Variants in NTSR2 observed in about 807,000 individuals in gnomAD.
NTSR2 encodes neurotensin receptor 2.
In NTSR2, 22 loss-of-function variants were observed where a neutral mutation model predicts 24.1. The ratio of observed to expected loss-of-function variants is 0.91; its 90% CI spans 0.65 to 1.30. The LOEUF is 1.30. Among genes scored for constraint, NTSR2 ranks in the 50% most tolerant of loss-of-function variants. The pLI, the probability that NTSR2 is intolerant of heterozygous loss-of-function variation, is 0.00. For missense variants in NTSR2, 570 were observed against 570.4 expected (o/e 1.00, Z 0.01); for synonymous variants, 291 against 267.0 (o/e 1.09, Z -0.88).
chr2:11,660,040 C>A lies in NTSR2; in HGVS notation c.989+3G>T. 6.2e-7 allele frequency: 1 copy of A among 1,612,834 alleles called. No homozygotes were observed. The highest frequency in any genetic ancestry group is 1.1e-5 in the South Asian group (1 of 91,068). The stretch of plus-strand genomic sequence containing the variant: ...TGTGCTAGGGTCCTTCTGCCACACT[C>A]ACTCAGTCCACGCGTCATCAGGTAC... On this transcript the variant is annotated splice_donor_region_variant and intron_variant, in intron 3 of 3. Transcript: ENST00000306928.
intron 1 of NTSR2, 47 bp downstream of exon 1, chr2:11,669,459 C>CCGG: frequency 1.1e-3 from 381 of 337,372 alleles, no homozygotes; most frequent in East Asian, 1.8e-3. Flanking sequence ...CTCCCAGCAC[C>CCGG]GCCCCCCCAC....
At position 11,669,702 on chromosome 2, in the gene NTSR2, G is replaced by T; in HGVS notation, c.428C>A (p.Ala143Asp). The stretch of plus-strand genomic sequence containing the variant: ...CCGGCGTGGCGTCAGCAGGCTGCGG[G>T]CACGCAGGGGCTGGCACACGGCTAG... Reference protein sequence around the residue: ...RCLAVCQPLRARSLLTPRRTR... With the variant: ...RCLAVCQPLRDRSLLTPRRTR... The change falls in exon 1 of 4, where the codon GCC (alanine) becomes GAC (aspartate). Residue 143 changes from alanine to aspartate, a missense_variant. Ala to Asp is a moderately radical substitution (Grantham distance 126, BLOSUM62 -2). Transcript: ENST00000306928. 6.5e-7 allele frequency: 1 copy of T among 1,528,870 alleles called. No homozygotes were observed. Among genetic ancestry groups the T allele is most frequent in the Non-Finnish European group, 8.7e-7 (1 of 1,143,012 alleles). The allele number at this position is 1,528,870 out of a possible 1,614,324, so 94.7% of individuals were successfully genotyped here.
Position 11,670,121 on chromosome 2 carries a change from G to T in NTSR2, c.9C>A (p.Thr3=). 1 of 1,377,306 alleles carries T rather than the reference G, an allele frequency of 7.3e-7. No homozygotes were observed. Among genetic ancestry groups the T allele is most frequent in the Non-Finnish European group, 9.3e-7 (1 of 1,072,554 alleles). The allele number at this position is 1,377,306 out of a possible 1,614,324, so 85.3% of individuals were successfully genotyped here. ME[T]SSPRPPRPSS... is the part of the protein sequence containing the mutation. ...TGGGCCGCGGGGGCCGCGGGCTGCT[G>T]GTTTCCATCCCGCTCCCGCGGCCGG... Residue 3 remains threonine (T), a synonymous_variant, in exon 1 of 4, where the codon ACC becomes ACA. Transcript: ENST00000306928.
intron 1 of NTSR2, among the ~76,000 whole-genome samples, chr2:11,663,544 A>T (rs1353451312): frequency 6.6e-6 from 1 of 152,272 alleles, no homozygotes; most frequent in Non-Finnish European, 1.5e-5. Context: ...AAAAAAGGCC[A>T]TACATTATTA....
At chr2:11,669,316 C>G (rs1052462562) in intron 1 of NTSR2, among the ~76,000 whole-genome samples, 190 bp downstream of exon 1, 1 of 152,352 alleles carries the variant, frequency 6.6e-6, no homozygotes, top group East Asian at 1.9e-4. Context: ...ATCGGGACTT[C>G]TCTCAATGCT....
At chr2:11,669,460 G>GGGGGGGGGGGGGGGGGGCCCCCCCCC in intron 1 of NTSR2, 46 bp downstream of exon 1, 1 of 254,726 alleles carries the variant, frequency 3.9e-6, no homozygotes, top group Non-Finnish European at 6.9e-6. Flanking sequence ...TCCCAGCACC[G>GGGGGGGGGGGGGGGGGGCCCCCCCCC]CCCCCCCACC....
Position 11,665,071 on chromosome 2 carries a change from T to G in NTSR2, c.625-2831A>C, listed in dbSNP as rs1452801499. On this transcript the variant is annotated intron_variant, in intron 1 of 3. Transcript: ENST00000306928. ...TTTGGCACTGTTTTTTTTTTTTTTTTTTTTTTTTTTTTCCAAGCTTGTCTC... is the reference window on the plus strand; with the variant it reads ...TTTGGCACTGTTTTTTTTTTTTTTTGTTTTTTTTTTTTCCAAGCTTGTCTC... 3.2e-4 allele frequency among the ~76,000 whole-genome samples: 47 copies of G among 148,840 alleles called. 1 individual carries two copies. The highest frequency in any genetic ancestry group is 3.4e-3 in the Middle Eastern group (1 of 292).
Position 11,658,435 on chromosome 2 carries a change from A to G in NTSR2, c.*44T>C. The G allele has an allele frequency of 1.3e-6, 2 of 1,536,818 alleles. No homozygotes were observed. The highest frequency in any genetic ancestry group is 8.7e-7 in the Non-Finnish European group (1 of 1,143,064). On this transcript the variant is annotated 3_prime_UTR_variant, in exon 4 of 4. Transcript: ENST00000306928. ...GCTCACCTGCTTTGCCAGGTGACTA[A>G]GCAGCTGGTCATTTTGCTTGTTCTG...
At chr2:11,666,239 C>T (rs762390541) in intron 1 of NTSR2, among the ~76,000 whole-genome samples, 14 of 152,182 alleles carry the variant, frequency 9.2e-5, no homozygotes, top group Non-Finnish European at 2.1e-4. Context: ...CTTCCAGCTG[C>T]TGCCCCAGAG....
chr2:11,662,819 A>G (rs1172757739), intron 1 of NTSR2, among the ~76,000 whole-genome samples: 2 of 152,236 alleles, frequency 1.3e-5, no homozygotes, highest in Non-Finnish European at 2.9e-5. Context: ...CCCAAAGTTG[A>G]GGAATCTGAG....
Position 11,669,595 on chromosome 2 carries a change from C to T in NTSR2, c.535G>A (p.Glu179Lys), listed in dbSNP as rs758266426. 2 of 1,582,742 alleles carry T rather than the reference C, an allele frequency of 1.3e-6. No homozygotes were observed. Among genetic ancestry groups the T allele is most frequent in the South Asian group, 2.3e-5 (2 of 88,054 alleles). ...GGCTCCCCGTCCGCCGTCTCGAGTT[C>T]GTGCTTCTGCCCCATGATGACGGCC... Reference protein sequence around the residue: ...PMAVIMGQKHELETADGEPEP... With the variant: ...PMAVIMGQKHKLETADGEPEP... Residue 179 changes from glutamate (E) to lysine (K), a missense_variant, in exon 1 of 4, where the codon GAA becomes AAA. Coordinates refer to ENST00000306928, the MANE Select transcript of NTSR2 (RefSeq NM_012344.4).
chr2:11,669,614 G>A lies in NTSR2; in HGVS notation c.516C>T (p.Val172=), dbSNP rs905011365. 5 of 1,582,546 alleles carry A rather than the reference G, an allele frequency of 3.2e-6. No homozygotes were observed. Among genetic ancestry groups the A allele is most frequent in the Non-Finnish European group, 3.4e-6 (4 of 1,171,572 alleles). Residue 172 remains valine, a synonymous_variant, in exon 1 of 4, where the codon GTC becomes GTT. Coordinates refer to ENST00000306928, the MANE Select transcript of NTSR2 (RefSeq NM_012344.4). The part of the protein sequence containing the change: ...ASLGLALPMA[V]IMGQKHELET... ...CGAGTTCGTGCTTCTGCCCCATGAT[G>A]ACGGCCATGGGCAGGGCGAGGCCGA...
chr2:11,665,055 GTTTTTTTTTTTTTT>G (rs34751276), intron 1 of NTSR2, among the ~76,000 whole-genome samples: 3 of 106,676 alleles, frequency 2.8e-5, no homozygotes, highest in South Asian at 2.7e-4. Flanking sequence ...CTTTGGCACT[GTTTTTTTTTTTTTT>G]TTTTTTTTTT....
At chr2:11,663,169 T>C (rs565861113) in intron 1 of NTSR2, among the ~76,000 whole-genome samples, 1 of 152,350 alleles carries the variant, frequency 6.6e-6, no homozygotes, top group Non-Finnish European at 1.5e-5. Flanking sequence ...TTACCCTCTA[T>C]GGACCCTTCC....
intron 2 of NTSR2, among the ~76,000 whole-genome samples, chr2:11,660,592 T>G (rs1451557483): frequency 6.6e-6 from 1 of 152,004 alleles, no homozygotes; most frequent in Non-Finnish European, 1.5e-5. Flanking sequence ...AGGACAAAAA[T>G]TAGCCAGGTG....
rs1318327497 is a variant in NTSR2, at chr2:11,661,868, G to C, written c.898+99C>G. 4 of 1,120,328 alleles carry C rather than the reference G, an allele frequency of 3.6e-6. No individual in the cohort carries two copies. In the African/African-American group the frequency reaches 6.3e-5, roughly 18 times the overall value. The allele number at this position is 1,120,328 out of a possible 1,614,324, so 69.4% of individuals were successfully genotyped here. ...GCATAGGGTAAAGGAAGCCTTGAGA[G>C]AGGTAGTGACTTGCTGAGGTCACCC... On this transcript the variant is annotated intron_variant, in intron 2 of 3. Transcript: ENST00000306928.
intron 1 of NTSR2, among the ~76,000 whole-genome samples, chr2:11,664,609 A>G (rs1254782085): frequency 1.3e-5 from 2 of 152,216 alleles, no homozygotes; most frequent in Admixed American, 6.5e-5. Context: ...ACAGGTTTAT[A>G]TCAGTAATGA....
At position 11,669,893 on chromosome 2, in the gene NTSR2, G is replaced by A; in HGVS notation, c.237C>T (p.Gly79=). The A allele has an allele frequency of 2.5e-6, 4 of 1,574,442 alleles. No homozygotes were observed. Among genetic ancestry groups the A allele is most frequent in the Non-Finnish European group, 3.4e-6 (4 of 1,166,738 alleles). Residue 79 remains glycine (G), a synonymous_variant, in exon 1 of 4, where the codon GGC becomes GGT. Transcript: ENST00000306928. ...RHHVLSLALA[G]LLLLLVGVPV... ...GCACGCCGACCAGCAGCAGCAGCAG[G>A]CCCGCGAGCGCCAGGCTGAGCACGT... is the stretch of plus-strand genomic sequence containing the variant.
At chr2:11,662,561 C>T (rs1398190425) in intron 1 of NTSR2, among the ~76,000 whole-genome samples, 5 of 152,180 alleles carry the variant, frequency 3.3e-5, no homozygotes, top group Non-Finnish European at 1.5e-5. Context: ...GCGGGCGGAT[C>T]ACGAGGTCAG....
Sources: gnomAD v4.1 joint callset for allele counts (sites outside exome capture counted in the v4.1 genomes callset) on GRCh38, gnomAD v4.1.1 for gene constraint, MANE v1.5 for transcripts, NCBI Gene and HGNC (gene_info 2026-07-23, HGNC 2026-07-21) for gene names.